Variants in SLC36A4 observed in about 807,000 individuals in gnomAD.
The protein encoded by SLC36A4 is neutral amino acid uniporter 4.
A neutral mutation model predicts 50.5 loss-of-function variants in SLC36A4; 49 were observed. The ratio of observed to expected loss-of-function variants is 0.97; its 90% CI spans 0.77 to 1.23. The LOEUF (loss-of-function observed/expected upper bound fraction) is 1.23, where lower values mean the gene tolerates loss of function less well. Among genes scored for constraint, SLC36A4 ranks in the 50% most tolerant of loss-of-function variants. SLC36A4 has a pLI of 0.00. For synonymous variants in SLC36A4, 207 were observed against 206.5 expected (o/e 1.00, Z -0.02); for missense variants, 611 against 608.4 (o/e 1.00, Z -0.05).
chr11:93,180,162 T>C, intron 6 of SLC36A4: 1 of 980,062 alleles, frequency 1.0e-6, no homozygotes, highest in Non-Finnish European at 1.2e-6. Context: ...CAGGGGATAA[T>C]GTAGGAATAA....
At chr11:93,162,180 A>T (rs1860647157) in intron 9 of SLC36A4, among the ~76,000 whole-genome samples, 1 of 152,178 alleles carries the variant, frequency 6.6e-6, no homozygotes, top group Non-Finnish European at 1.5e-5. Flanking sequence ...CTTATACTTG[A>T]CTTGGATTTG....
chr11:93,173,490 C>T (rs1264646545), intron 6 of SLC36A4, among the ~76,000 whole-genome samples: 1 of 149,504 alleles, frequency 6.7e-6, no homozygotes, highest in African/African-American at 2.5e-5. Flanking sequence ...GTTGCCATTG[C>T]TTTTGGTGTT....
intron 6 of SLC36A4, among the ~76,000 whole-genome samples, chr11:93,174,997 G>T (rs377040462): frequency 6.6e-6 from 1 of 151,570 alleles, no homozygotes. Flanking sequence ...TTTTTCTATT[G>T]ATTGGAATAC....
chr11:93,193,963 A>G (rs577101439), intron 1 of SLC36A4, among the ~76,000 whole-genome samples: 12 of 152,300 alleles, frequency 7.9e-5, no homozygotes, highest in Admixed American at 3.9e-4. Context: ...TTACTAAATT[A>G]ACTAAGGCAC....
intron 9 of SLC36A4, among the ~76,000 whole-genome samples, chr11:93,159,068 T>C (rs1326551000): frequency 6.6e-6 from 1 of 152,046 alleles, no homozygotes; most frequent in Non-Finnish European, 1.5e-5. Flanking sequence ...AAAATAGATA[T>C]GGATAGGTAA....
intron 10 of SLC36A4, among the ~76,000 whole-genome samples, chr11:93,153,647 C>T (rs1860209439): frequency 1.3e-5 from 2 of 152,064 alleles, no homozygotes; most frequent in African/African-American, 4.8e-5. Context: ...AGATTATATA[C>T]ACTTCTTCAA....
In SLC36A4 at chr11:93,148,772, A is replaced by G; in HGVS notation, c.1280T>C (p.Leu427Ser). The G allele has an allele frequency of 1.2e-6, 2 of 1,613,062 alleles. No homozygotes were observed. The highest frequency in any genetic ancestry group is 1.7e-6 in the Non-Finnish European group (2 of 1,179,386). The change falls in exon 11 of 11, where the codon TTG (leucine) becomes TCG (serine). Residue 427 changes from leucine to serine, a missense_variant. By Grantham distance (145) the Leu-to-Ser change is moderately radical. Coordinates refer to ENST00000326402, the MANE Select transcript of SLC36A4 (RefSeq NM_152313.4). ...AACCAAAGGTGGCAGGATTAGGGCC[A>G]ATGTGCTGCTGCTCACAGCTCCAAC... ...SFVGAVSSST[L>S]ALILPPLVEI...
In SLC36A4 at chr11:93,197,812, C is replaced by G. The variant is rs760503830; in HGVS notation, c.21G>C (p.Pro7=). The G allele has an allele frequency of 3.8e-6, 6 of 1,581,154 alleles. No homozygotes were observed. The highest frequency in any genetic ancestry group is 1.8e-4 in the Middle Eastern group (1 of 5,686). The change falls in exon 1 of 11, where the codon CCG becomes CCC. Residue 7 remains proline, a synonymous_variant. Coordinates refer to ENST00000326402, the MANE Select transcript of SLC36A4 (RefSeq NM_152313.4). The part of the protein sequence containing the change: MEAAAT[P]AAAGAARREE... ...CGCGCCTCGCCGCCCCGGCAGCCGC[C>G]GGCGTCGCCGCCGCTTCCATCTCTC...
At chr11:93,190,725 C>T (rs909545727) in intron 1 of SLC36A4, among the ~76,000 whole-genome samples, 3 of 152,106 alleles carry the variant, frequency 2.0e-5, no homozygotes, top group Non-Finnish European at 2.9e-5. Context: ...TCTAACTATG[C>T]GCTTAAATAC....
At chr11:93,164,924 T>C (rs971290170) in intron 8 of SLC36A4, among the ~76,000 whole-genome samples, 2 of 152,078 alleles carry the variant, frequency 1.3e-5, no homozygotes, top group Admixed American at 1.3e-4. Context: ...TAAAGCTGGT[T>C]TTAGATGAGA....
chr11:93,175,036 T>A (rs1056087254), intron 6 of SLC36A4, among the ~76,000 whole-genome samples: 2 of 152,074 alleles, frequency 1.3e-5, no homozygotes, highest in East Asian at 1.9e-4. Flanking sequence ...CAGTTCCTCC[T>A]TGTACCTCTG....
Position 93,148,537 on chromosome 11 carries a change from C to A in SLC36A4, c.1515G>T (p.Ter505TyrextTer1). Residue 505 changes from the stop codon to tyrosine (Y), a stop_lost, in exon 11 of 11, where the codon TAG (stop) becomes TAT (tyrosine). Coordinates refer to ENST00000326402, the MANE Select transcript of SLC36A4 (RefSeq NM_152313.4). The stretch of plus-strand genomic sequence containing the variant: ...TAGAAGACTCATGATTCTGCTTTTA[C>A]TATTTCAAACCAGATGTTAAGCATG... ...NSTCLTSGLK* is the reference protein window; with the variant it reads ...NSTCLTSGLKY 1 of 1,600,850 alleles carries A rather than the reference C, an allele frequency of 6.2e-7. No individual in the cohort carries two copies. Among genetic ancestry groups the A allele is most frequent in the Non-Finnish European group, 8.5e-7 (1 of 1,176,398 alleles).
chr11:93,179,904 G>A, intron 6 of SLC36A4, among the ~76,000 whole-genome samples: 1 of 152,024 alleles, frequency 6.6e-6, no homozygotes, highest in South Asian at 2.1e-4. Flanking sequence ...TTATTAACTG[G>A]CCCTCTACAG....
At chr11:93,161,342 C>T (rs1165763830) in intron 9 of SLC36A4, among the ~76,000 whole-genome samples, 3 of 151,962 alleles carry the variant, frequency 2.0e-5, no homozygotes, top group Non-Finnish European at 1.5e-5. Context: ...GCTAAATAAC[C>T]ATATATCTTA....
At chr11:93,168,912 T>C (rs1274578753) in intron 6 of SLC36A4, among the ~76,000 whole-genome samples, 2 of 152,072 alleles carry the variant, frequency 1.3e-5, no homozygotes, top group African/African-American at 4.8e-5. Context: ...TTAAAAACTA[T>C]CTCTGATCCA....
At chr11:93,190,477 T>C (rs903058883) in intron 1 of SLC36A4, among the ~76,000 whole-genome samples, 40 of 152,172 alleles carry the variant, frequency 2.6e-4, no homozygotes, top group Admixed American at 9.8e-4. Flanking sequence ...TCAAAATATC[T>C]TATGTACTCC....
At chr11:93,185,565 T>C in intron 2 of SLC36A4, 126 bp downstream of exon 2, 3 of 841,998 alleles carry the variant, frequency 3.6e-6, no homozygotes, top group Non-Finnish European at 3.5e-6. Flanking sequence ...TATAAACTCA[T>C]TGAAGGTGGA....
At chr11:93,156,748 A>G (rs905223587) in intron 9 of SLC36A4, among the ~76,000 whole-genome samples, 4 of 152,144 alleles carry the variant, frequency 2.6e-5, no homozygotes, top group African/African-American at 9.7e-5. Flanking sequence ...AATGCTGGAT[A>G]TTAGACCTTT....
chr11:93,155,656 T>G (rs886598261), intron 9 of SLC36A4, among the ~76,000 whole-genome samples: 6 of 152,108 alleles, frequency 3.9e-5, no homozygotes, highest in African/African-American at 1.4e-4. Flanking sequence ...GGGCTTGTTG[T>G]ACAGATTATT....
Sources: allele counts gnomAD v4.1 joint callset (sites outside exome capture counted in the v4.1 genomes callset), GRCh38; gene constraint gnomAD v4.1.1; transcripts MANE v1.5; gene names NCBI Gene and HGNC (gene_info 2026-07-23, HGNC 2026-07-21).